TNIK: variants seen among roughly 807,000 people sequenced by gnomAD.
TNIK encodes TRAF2 and NCK-interacting protein kinase.
Under a neutral mutation model 191.3 loss-of-function variants are expected in TNIK, and 49 were observed. That is an observed-to-expected ratio of 0.26 (90% CI 0.20 to 0.32). TNIK has a LOEUF of 0.32. TNIK is among the 10% of genes least tolerant of loss of function. The probability of loss-of-function intolerance (pLI) is 1.00; values close to 1 mark genes in which losing one functional copy is unlikely to be tolerated. For synonymous variants in TNIK, 594 were observed against 600.9 expected, an observed-to-expected ratio of 0.99 and a Z score of 0.17; for missense variants, 1,155 against 1,702.3, an observed-to-expected ratio of 0.68 and a Z score of 5.66.
At position 171,093,249 on chromosome 3, in the gene TNIK, C is replaced by T. The variant is rs1244920477; in HGVS notation, c.2721+590G>A. Among the ~76,000 whole-genome samples, 4 of 152,274 alleles carry T rather than the reference C, an allele frequency of 2.6e-5. No individual in the cohort carries two copies. The East Asian group carries it at 7.7e-4, about 29-fold the overall frequency. ...TGTCAGAAGGACAGATGAAAGGGAA[C>T]ATGTGCCACCCCCCAAATGAAATGA... On this transcript the variant is annotated intron_variant, in intron 23 of 32. Coordinates refer to ENST00000436636, the MANE Select transcript of TNIK (RefSeq NM_015028.4).
Position 171,272,317 on chromosome 3 carries a change from T to A in TNIK, c.124-44096A>T, listed in dbSNP as rs562589662. Among the ~76,000 whole-genome samples, 128 of 152,310 alleles carry A rather than the reference T, an allele frequency of 8.4e-4. 1 individual carries two copies. Among genetic ancestry groups the A allele is most frequent in the Middle Eastern group, 3.4e-3 (1 of 294 alleles). ...ACAGAGAAGGCAATTGCAGTATCAA[T>A]CTCTGGAGAATTCCAAGATCCAGAA... On this transcript the variant is annotated intron_variant, in intron 2 of 32. Coordinates refer to ENST00000436636, the MANE Select transcript of TNIK (RefSeq NM_015028.4).
intron 2 of TNIK, among the ~76,000 whole-genome samples, chr3:171,277,086 G>C (rs1749836888): frequency 6.6e-6 from 1 of 152,128 alleles, no homozygotes; most frequent in African/African-American, 2.4e-5. Flanking sequence ...TTATTTCAGG[G>C]GTGGGTGACA....
intron 1 of TNIK, among the ~76,000 whole-genome samples, chr3:171,441,248 A>G (rs1726763125): frequency 6.6e-6 from 1 of 152,110 alleles, no homozygotes; most frequent in South Asian, 2.1e-4. Flanking sequence ...TCAGGTTACC[A>G]CCATCCAATA....
In TNIK at chr3:171,063,763, A is replaced by G; in HGVS notation, c.*118T>C. The G allele has an allele frequency of 1.0e-6, 1 of 962,784 alleles. No individual in the cohort carries two copies. Among genetic ancestry groups the G allele is most frequent in the Non-Finnish European group, 1.5e-6 (1 of 647,250 alleles). 59.6% of individuals were successfully genotyped at this position (962,784 alleles called of 1,614,324 possible). On this transcript the variant is annotated 3_prime_UTR_variant, in exon 33 of 33. Coordinates refer to ENST00000436636, the MANE Select transcript of TNIK (RefSeq NM_015028.4). ...GGGGCGGAGGGAGAGGAAAAAGGGA[A>G]AGCGATATGTTCAACCAAGCCTTCT...
At chr3:171,265,058 GTGCT>G (rs1373171194) in intron 2 of TNIK, among the ~76,000 whole-genome samples, 1 of 152,148 alleles carries the variant, frequency 6.6e-6, no homozygotes, top group Admixed American at 6.5e-5. Context: ...CACAAAATGA[GTGCT>G]CATTAGGCAT....
At chr3:171,322,682 G>A (rs1008581981) in intron 2 of TNIK, among the ~76,000 whole-genome samples, 2 of 152,072 alleles carry the variant, frequency 1.3e-5, no homozygotes, top group African/African-American at 4.8e-5. Flanking sequence ...ACAAAATGGT[G>A]TAAAAATAAG....
In TNIK at chr3:171,153,865, C is replaced by T. The variant is rs115698855; in HGVS notation, c.1221+3595G>A. Among the ~76,000 whole-genome samples, 1,268 of 152,174 alleles carry T rather than the reference C, an allele frequency of 8.3e-3. 9 individuals carry two copies. The highest frequency in any genetic ancestry group is 0.029 in the African/African-American group (1,214 of 41,502). On this transcript the variant is annotated intron_variant, in intron 12 of 32. Transcript: ENST00000436636. Reference sequence around the variant, plus strand: ...CCCTGTGGCACGCTCTTTTAGCATGCCACTCTCCTCCACCACGGCAGTCAT... The same window carrying T: ...CCCTGTGGCACGCTCTTTTAGCATGTCACTCTCCTCCACCACGGCAGTCAT...
chr3:171,297,557 T>C (rs545123142), intron 2 of TNIK, among the ~76,000 whole-genome samples: 14 of 152,346 alleles, frequency 9.2e-5, no homozygotes, highest in African/African-American at 3.4e-4. Flanking sequence ...CCCCAAATTA[T>C]CAGTTTTTAA....
intron 2 of TNIK, among the ~76,000 whole-genome samples, chr3:171,361,591 C>T (rs1414763842): frequency 2.6e-5 from 4 of 152,142 alleles, no homozygotes; most frequent in Non-Finnish European, 5.9e-5. Flanking sequence ...GATTCTCCTA[C>T]TTATTGGAGA....
chr3:171,229,752 C>T (rs1217741896), intron 2 of TNIK, among the ~76,000 whole-genome samples: 5 of 152,088 alleles, frequency 3.3e-5, no homozygotes, highest in Admixed American at 1.3e-4. Context: ...CGCTTTTGAC[C>T]CCCATTCTGC....
chr3:171,370,650 AACTGGGCAACCCG>A (rs1371032442), intron 1 of TNIK, among the ~76,000 whole-genome samples: 1 of 151,732 alleles, frequency 6.6e-6, no homozygotes. Context: ...GCCTGTGGCA[AACTGGGCAACCCG>A]AGCCTCCTTG....
intron 18 of TNIK, among the ~76,000 whole-genome samples, chr3:171,113,360 C>T (rs752928404): frequency 2.6e-5 from 4 of 152,160 alleles, no homozygotes; most frequent in African/African-American, 4.8e-5. Context: ...AATCCCATCA[C>T]TTTGGGAGGC....
chr3:171,446,807 C>G (rs1460864434), intron 1 of TNIK, among the ~76,000 whole-genome samples: 1 of 150,742 alleles, frequency 6.6e-6, no homozygotes, highest in Admixed American at 6.6e-5. Context: ...TCAGCTGTCT[C>G]CAATTCTTAA....
intron 2 of TNIK, among the ~76,000 whole-genome samples, chr3:171,330,515 A>C (rs2108363759): frequency 6.6e-6 from 1 of 152,294 alleles, no homozygotes. Flanking sequence ...CTCTTAGTTA[A>C]GAACATTTAC....
chr3:171,077,849 G>T (rs1246223876), intron 28 of TNIK, among the ~76,000 whole-genome samples: 1 of 151,466 alleles, frequency 6.6e-6, no homozygotes, highest in Non-Finnish European at 1.5e-5. Flanking sequence ...ATATACAGCT[G>T]TATGTATGTA....
chr3:171,423,418 T>TA (rs1181802759), intron 1 of TNIK, among the ~76,000 whole-genome samples: 5 of 152,114 alleles, frequency 3.3e-5, no homozygotes, highest in Non-Finnish European at 7.3e-5. Flanking sequence ...CAAGGTAATT[T>TA]ATAGATTCAA....
At chr3:171,223,687 A>C (rs1742632166) in intron 3 of TNIK, among the ~76,000 whole-genome samples, 1 of 152,298 alleles carries the variant, frequency 6.6e-6, no homozygotes, top group African/African-American at 2.4e-5. Flanking sequence ...TGAAAGGATC[A>C]AATGAATTAA....
chr3:171,068,399 G>A (rs993335456), intron 30 of TNIK, among the ~76,000 whole-genome samples: 1 of 152,138 alleles, frequency 6.6e-6, no homozygotes, highest in African/African-American at 2.4e-5. Flanking sequence ...TCTGACTCCA[G>A]TGTACCACAC....
chr3:171,331,419 T>C (rs1232521985), intron 2 of TNIK, among the ~76,000 whole-genome samples: 1 of 152,244 alleles, frequency 6.6e-6, no homozygotes, highest in East Asian at 1.9e-4. Context: ...TTTGGCGAGT[T>C]GATCAGTCAA....
Sources: allele counts gnomAD v4.1 joint callset (sites outside exome capture counted in the v4.1 genomes callset), GRCh38; gene constraint gnomAD v4.1.1; transcripts MANE v1.5; gene names NCBI Gene and HGNC (gene_info 2026-07-23, HGNC 2026-07-21).